Variants in RUNDC3B observed in about 807,000 individuals in gnomAD.
RUNDC3B encodes the protein RUN domain-containing protein 3B.
A neutral mutation model predicts 58.4 loss-of-function variants in RUNDC3B; 33 were observed. The ratio of observed to expected loss-of-function variants is 0.56; its 90% CI spans 0.43 to 0.75. The LOEUF (loss-of-function observed/expected upper bound fraction) is 0.75. Among genes scored for constraint, RUNDC3B ranks in the 30% least tolerant of loss-of-function variants. The probability of loss-of-function intolerance (pLI) is 0.00; values close to 1 mark genes in which losing one functional copy is unlikely to be tolerated. For synonymous variants in RUNDC3B, 193 were observed against 195.2 expected, an observed-to-expected ratio of 0.99 and a Z score of 0.10; for missense variants, 501 against 535.7, an observed-to-expected ratio of 0.94 and a Z score of 0.64.
chr7:87,693,000 C>T (rs983923160), intron 2 of RUNDC3B, among the ~76,000 whole-genome samples: 1 of 152,044 alleles, frequency 6.6e-6, no homozygotes, highest in African/African-American at 2.4e-5. Flanking sequence ...ACATTACTAG[C>T]TCTATGTGTT....
chr7:87,673,554 T>A (rs534469366), intron 2 of RUNDC3B, among the ~76,000 whole-genome samples: 2 of 152,374 alleles, frequency 1.3e-5, no homozygotes, highest in African/African-American at 4.8e-5. Flanking sequence ...TGTGCATGTC[T>A]ATCAGATCAG....
At chr7:87,734,022 A>T (rs1243816522) in intron 4 of RUNDC3B, among the ~76,000 whole-genome samples, 1 of 152,248 alleles carries the variant, frequency 6.6e-6, no homozygotes, top group Admixed American at 6.5e-5. Flanking sequence ...GGGTATACAG[A>T]TGGCTAATAA....
At chr7:87,638,948 C>A (rs574334296) in intron 1 of RUNDC3B, among the ~76,000 whole-genome samples, 2 of 151,852 alleles carry the variant, frequency 1.3e-5, no homozygotes, top group South Asian at 4.2e-4. Flanking sequence ...GTCAGGAGAT[C>A]GAGACTATCC....
At chr7:87,728,578 T>G (rs1177011093) in intron 4 of RUNDC3B, among the ~76,000 whole-genome samples, 1 of 152,220 alleles carries the variant, frequency 6.6e-6, no homozygotes, top group Admixed American at 6.6e-5. Context: ...CAATTCAACC[T>G]CTGCCTCTTT....
intron 2 of RUNDC3B, among the ~76,000 whole-genome samples, chr7:87,684,617 A>T (rs1489825441): frequency 6.6e-6 from 1 of 151,932 alleles, no homozygotes; most frequent in Non-Finnish European, 1.5e-5. Flanking sequence ...GCATGGTAGC[A>T]CGTGCCTGTA....
At chr7:87,715,287 TTAA>T (rs1213031588) in intron 4 of RUNDC3B, among the ~76,000 whole-genome samples, 1 of 133,220 alleles carries the variant, frequency 7.5e-6, no homozygotes, top group African/African-American at 2.9e-5. Context: ...TTATATATAA[TTAA>T]TTTATAATAA....
chr7:87,634,644 A>G (rs1246085959), intron 1 of RUNDC3B, among the ~76,000 whole-genome samples: 1 of 152,282 alleles, frequency 6.6e-6, no homozygotes, highest in East Asian at 1.9e-4. Context: ...AAAAGAAAAA[A>G]AAAAGAACTT....
At chr7:87,731,661 A>T (rs1304472563) in intron 4 of RUNDC3B, among the ~76,000 whole-genome samples, 1 of 152,250 alleles carries the variant, frequency 6.6e-6, no homozygotes, top group Admixed American at 6.5e-5. Context: ...AAAGACTATA[A>T]AAAGAGGCAA....
At chr7:87,814,460 T>C (rs1162328717) in intron 9 of RUNDC3B, among the ~76,000 whole-genome samples, 1 of 152,180 alleles carries the variant, frequency 6.6e-6, no homozygotes, top group Non-Finnish European at 1.5e-5. Context: ...AGGGAGTAGA[T>C]AGCATAGTAT....
intron 3 of RUNDC3B, among the ~76,000 whole-genome samples, chr7:87,710,150 T>A (rs1829941623): frequency 6.6e-6 from 1 of 152,142 alleles, no homozygotes; most frequent in East Asian, 1.9e-4. Flanking sequence ...CTTAAATAAG[T>A]GATGTTAGAC....
chr7:87,788,099 A>G lies in RUNDC3B; in HGVS notation c.956+10144A>G, dbSNP rs931962441. On this transcript the variant is annotated intron_variant, in intron 8 of 10. Transcript: ENST00000394654. ...CAATACTAATTTAAAGTATTTTAAA[A>G]GGCATTGACAAAGGTATATTTGAAT... Among the ~76,000 whole-genome samples, 31 of 152,316 alleles carry G rather than the reference A, an allele frequency of 2.0e-4. No individual in the cohort carries two copies. The East Asian group carries it at 2.3e-3, about 11-fold the overall frequency.
At position 87,628,584 on chromosome 7, in the gene RUNDC3B, C is replaced by CGTGTGTGTGTGT. The variant is rs71117546; in HGVS notation, c.-210_-199dup. The CGTGTGTGTGTGT allele has an allele frequency of 1.5e-4, 45 of 290,756 alleles. No homozygotes were observed. Among genetic ancestry groups the CGTGTGTGTGTGT allele is most frequent in the African/African-American group, 4.8e-4 (20 of 41,762 alleles). The allele number at this position is 290,756 out of a possible 1,614,324, so 18.0% of individuals were successfully genotyped here. On this transcript the variant is annotated 5_prime_UTR_variant, in exon 1 of 11. Coordinates refer to ENST00000394654, the MANE Select transcript of RUNDC3B (RefSeq NM_001134405.2). ...CGAGGGCGGAGGTGGTGCGTGCGTG[C>CGTGTGTGTGTGT]GTGTGTGTGTGTGTGTGTGTGTGTG...
At chr7:87,659,486 T>A (rs933937993) in intron 2 of RUNDC3B, among the ~76,000 whole-genome samples, 14 of 152,188 alleles carry the variant, frequency 9.2e-5, no homozygotes, top group African/African-American at 3.4e-4. Flanking sequence ...CCCTTTATTC[T>A]ACCCTGTGTG....
chr7:87,654,752 A>G (rs757095083), intron 2 of RUNDC3B, among the ~76,000 whole-genome samples: 1 of 152,112 alleles, frequency 6.6e-6, no homozygotes, highest in African/African-American at 2.4e-5. Flanking sequence ...AAATTACATC[A>G]TCAGAGTAAA....
chr7:87,639,237 G>A (rs897047852), intron 1 of RUNDC3B, among the ~76,000 whole-genome samples: 7 of 150,802 alleles, frequency 4.6e-5, no homozygotes, highest in Admixed American at 3.3e-4. Flanking sequence ...TGTTGATTTC[G>A]AATGAATTCT....
intron 10 of RUNDC3B, among the ~76,000 whole-genome samples, chr7:87,819,451 C>T (rs1403942284): frequency 1.3e-5 from 2 of 152,044 alleles, no homozygotes; most frequent in Non-Finnish European, 2.9e-5. Context: ...GACTTTAACA[C>T]CCCACTATCA....
At chr7:87,688,827 A>G (rs920439505) in intron 2 of RUNDC3B, among the ~76,000 whole-genome samples, 5 of 151,946 alleles carry the variant, frequency 3.3e-5, no homozygotes, top group Non-Finnish European at 7.4e-5. Flanking sequence ...TGTGTTTGTT[A>G]TAGGTATTTC....
intron 2 of RUNDC3B, among the ~76,000 whole-genome samples, chr7:87,655,237 T>C (rs1823979982): frequency 6.6e-6 from 1 of 152,048 alleles, no homozygotes; most frequent in Non-Finnish European, 1.5e-5. Flanking sequence ...GCCAAGGAAA[T>C]GAAATCAGTG....
At chr7:87,718,268 C>T (rs1366573896) in intron 4 of RUNDC3B, among the ~76,000 whole-genome samples, 1 of 152,122 alleles carries the variant, frequency 6.6e-6, no homozygotes, top group Non-Finnish European at 1.5e-5. Flanking sequence ...CTTTGGACAA[C>T]ATACATGAAA....
Sources: gnomAD v4.1 joint callset for allele counts (sites outside exome capture counted in the v4.1 genomes callset) on GRCh38, gnomAD v4.1.1 for gene constraint, MANE v1.5 for transcripts, NCBI Gene and HGNC (gene_info 2026-07-23, HGNC 2026-07-21) for gene names.